LRP1B: variants seen among roughly 807,000 people sequenced by gnomAD.
The protein encoded by LRP1B is low-density lipoprotein receptor-related protein 1B.
In LRP1B, 217 loss-of-function variants were observed where a neutral mutation model predicts 556.6. That is an observed-to-expected ratio of 0.39 (90% CI 0.35 to 0.44). The LOEUF is 0.44. Ranked by LOEUF, LRP1B falls within the 20% of genes least tolerant of loss-of-function variation. LRP1B has a pLI of 1.00. For missense variants in LRP1B, 5,053 were observed against 5,620.8 expected (o/e 0.90, Z 3.23); for synonymous variants, 2,047 against 1,865.8 (o/e 1.10, Z -2.50).
Position 140,534,125 on chromosome 2 carries a change from C to A in LRP1B, c.7658G>T (p.Arg2553Leu), listed in dbSNP as rs527342957. 3.1e-6 allele frequency: 5 copies of A among 1,612,400 alleles called. No individual in the cohort carries two copies. The South Asian group carries it at 5.5e-5, about 18-fold the overall frequency. The change falls in exon 47 of 91, where the codon CGA becomes CTA. Residue 2553 changes from arginine (R) to leucine (L), a missense_variant. Around this residue, in one of 5 missense-constraint regions of LRP1B, gnomAD observed 3,619 missense variants for 3,931.9 expected, o/e 0.92. Coordinates refer to ENST00000389484, the MANE Select transcript of LRP1B (RefSeq NM_018557.3). ...KLLYCENRSC[R>L]RGFKPCYNRR... ...ATTATAGCATGGCTTGAAGCCTCTT[C>A]GACAGCTTCTGTTTTCTTATAAATA...
intron 51 of LRP1B, among the ~76,000 whole-genome samples, chr2:140,513,540 G>T: frequency 6.6e-6 from 1 of 151,160 alleles, no homozygotes; most frequent in Non-Finnish European, 1.5e-5. Context: ...TTCTATATTT[G>T]TCTGTTGTAT....
chr2:142,106,661 C>G (rs1706757002), intron 1 of LRP1B, among the ~76,000 whole-genome samples: 1 of 152,072 alleles, frequency 6.6e-6, no homozygotes, highest in Non-Finnish European at 1.5e-5. Flanking sequence ...TCTTGCCTCC[C>G]CACACCTCAC....
chr2:141,655,942 C>T (rs1689991137), intron 2 of LRP1B, among the ~76,000 whole-genome samples: 1 of 152,044 alleles, frequency 6.6e-6, no homozygotes, highest in African/African-American at 2.4e-5. Context: ...TTTGATGAAA[C>T]ACTTCCATGG....
chr2:140,597,998 C>T (rs573000803), intron 43 of LRP1B, among the ~76,000 whole-genome samples: 3 of 152,294 alleles, frequency 2.0e-5, no homozygotes, highest in Admixed American at 6.5e-5. Flanking sequence ...GATCTAACCA[C>T]TGAGGTTCCC....
intron 2 of LRP1B, among the ~76,000 whole-genome samples, chr2:141,536,290 G>C (rs1685067465): frequency 6.6e-6 from 1 of 152,022 alleles, no homozygotes; most frequent in African/African-American, 2.4e-5. Context: ...TAGAATTTTA[G>C]ATGTAAAATT....
rs115097611 is a variant in LRP1B at position 140,550,133 on chromosome 2, C to A, written c.7195-8162G>T. 3.2e-3 allele frequency among the ~76,000 whole-genome samples: 488 copies of A among 152,186 alleles called. 3 individuals are homozygous for A. Among genetic ancestry groups the A allele is most frequent in the African/African-American group, 0.011 (471 of 41,538 alleles). ...TGTGAGTTTTGAGGCCTTTGCACTG[C>A]ACCTGCTCAAATGACCTGGCTGCAC... On this transcript the variant is annotated intron_variant, in intron 43 of 90. Coordinates refer to ENST00000389484, the MANE Select transcript of LRP1B (RefSeq NM_018557.3).
At chr2:141,041,088 A>T (rs1698683460) in intron 11 of LRP1B, among the ~76,000 whole-genome samples, 1 of 152,082 alleles carries the variant, frequency 6.6e-6, no homozygotes, top group Non-Finnish European at 1.5e-5. Flanking sequence ...TATGAAATTA[A>T]AGAGTAATGT....
intron 18 of LRP1B, among the ~76,000 whole-genome samples, chr2:140,970,373 T>C (rs1053675543): frequency 6.6e-6 from 1 of 152,222 alleles, no homozygotes; most frequent in African/African-American, 2.4e-5. Context: ...TTCAGCTCCA[T>C]CAGGTCATTT....
chr2:140,952,745 A>T (rs2105304350), intron 18 of LRP1B, among the ~76,000 whole-genome samples: 1 of 152,176 alleles, frequency 6.6e-6, no homozygotes, highest in East Asian at 1.9e-4. Context: ...ATCAAGGTGA[A>T]TAGCCAAAAA....
chr2:141,890,770 T>G (rs1236697696), intron 1 of LRP1B, among the ~76,000 whole-genome samples: 1 of 152,140 alleles, frequency 6.6e-6, no homozygotes. Context: ...TCCTTACCTT[T>G]TGCTTGTACT....
At chr2:140,465,711 T>C (rs1460654842) in intron 60 of LRP1B, among the ~76,000 whole-genome samples, 1 of 142,758 alleles carries the variant, frequency 7.0e-6, no homozygotes, top group African/African-American at 2.7e-5. Flanking sequence ...GTGGCACTCA[T>C]GACATTTGCA....
At chr2:141,195,028 C>T (rs1681694010) in intron 6 of LRP1B, among the ~76,000 whole-genome samples, 1 of 152,070 alleles carries the variant, frequency 6.6e-6, no homozygotes, top group East Asian at 1.9e-4. Flanking sequence ...TTTGATACTC[C>T]TCCTTTTAAG....
At chr2:141,987,692 G>C (rs887408600) in intron 1 of LRP1B, among the ~76,000 whole-genome samples, 1 of 150,986 alleles carries the variant, frequency 6.6e-6, no homozygotes, top group Non-Finnish European at 1.5e-5. Flanking sequence ...TTTTATATGA[G>C]ATTTATTTTT....
intron 2 of LRP1B, among the ~76,000 whole-genome samples, chr2:141,709,421 G>A (rs1692274149): frequency 7.0e-6 from 1 of 143,038 alleles, no homozygotes; most frequent in Non-Finnish European, 1.5e-5. Flanking sequence ...TGTGCTCTGG[G>A]CCAGACTGTC....
chr2:141,203,905 A>G (rs1009490992), intron 6 of LRP1B, among the ~76,000 whole-genome samples: 1 of 152,212 alleles, frequency 6.6e-6, no homozygotes, highest in Non-Finnish European at 1.5e-5. Context: ...CTACATGGAA[A>G]CTGAAAAACC....
intron 21 of LRP1B, among the ~76,000 whole-genome samples, chr2:140,921,443 C>T (rs1287274409): frequency 6.6e-6 from 1 of 151,936 alleles, no homozygotes; most frequent in African/African-American, 2.4e-5. Flanking sequence ...ACAATATATG[C>T]TTTGAAGTAT....
chr2:140,892,895 G>A (rs1693841073), intron 23 of LRP1B, among the ~76,000 whole-genome samples: 1 of 152,038 alleles, frequency 6.6e-6, no homozygotes, highest in Non-Finnish European at 1.5e-5. Context: ...ATGACAGACT[G>A]TAATATGTAT....
intron 3 of LRP1B, among the ~76,000 whole-genome samples, chr2:141,468,436 A>T (rs991149981): frequency 2.0e-5 from 3 of 152,202 alleles, no homozygotes; most frequent in Admixed American, 2.0e-4. Context: ...AGGCTAGGAA[A>T]ATTTGATAGA....
At chr2:142,113,323 A>T (rs1707069146) in intron 1 of LRP1B, among the ~76,000 whole-genome samples, 1 of 152,110 alleles carries the variant, frequency 6.6e-6, no homozygotes, top group African/African-American at 2.4e-5. Flanking sequence ...TCTGTTTCTC[A>T]CTACCTTACT....
Sources: gnomAD v4.1 joint callset for allele counts (sites outside exome capture counted in the v4.1 genomes callset) on GRCh38, gnomAD v4.1.1 for gene constraint, gnomAD v4.1.1 regional missense constraint, MANE v1.5 for transcripts, NCBI Gene and HGNC (gene_info 2026-07-23, HGNC 2026-07-21) for gene names.